ATP8B4: variants seen among roughly 807,000 people sequenced by gnomAD.
ATP8B4 encodes ATPase phospholipid transporting 8B4 (putative).
Under a neutral mutation model 145.6 loss-of-function variants are expected in ATP8B4, and 133 were observed. That is an observed-to-expected ratio of 0.91 (90% confidence interval 0.79 to 1.05). ATP8B4 has a LOEUF of 1.05. Among genes scored for constraint, ATP8B4 ranks in the 50% least tolerant of loss-of-function variants. ATP8B4 has a pLI of 0.00. For synonymous variants in ATP8B4, 507 were observed against 492.9 expected, an observed-to-expected ratio of 1.03 and a Z score of -0.38; for missense variants, 1,458 against 1,425.2, an observed-to-expected ratio of 1.02 and a Z score of -0.37.
At chr15:49,915,997 T>C (rs947887045) in intron 20 of ATP8B4, among the ~76,000 whole-genome samples, 2 of 152,094 alleles carry the variant, frequency 1.3e-5, no homozygotes, top group South Asian at 4.1e-4. Context: ...AGCTCTACTA[T>C]TATATTGAAG....
chr15:49,919,026 A>C (rs781692880), intron 18 of ATP8B4, 76 bp from the exon 19 acceptor site: 1 of 1,043,648 alleles, frequency 9.6e-7, no homozygotes, highest in Non-Finnish European at 1.4e-6. Flanking sequence ...TTTCACTCAC[A>C]GATTCTGGAG....
rs150267780 is a variant in ATP8B4, at chr15:49,966,485, G to A, written c.1244-4465C>T. Among the ~76,000 whole-genome samples, 291 of 152,292 alleles carry A rather than the reference G, an allele frequency of 1.9e-3. 1 individual carries two copies. Among genetic ancestry groups the A allele is most frequent in the African/African-American group, 6.5e-3 (272 of 41,556 alleles). The stretch of plus-strand genomic sequence containing the variant: ...CTTGAGTAGGCAGTTTTCCCCTCAC[G>A]GTGTAAACAAAGCCAGGATGTTCAA... On this transcript the variant is annotated intron_variant, in intron 13 of 27. Transcript: ENST00000284509.
At chr15:49,933,915 A>T (rs1320736427) in intron 15 of ATP8B4, 102 bp downstream of exon 15, 91 of 1,267,112 alleles carry the variant, frequency 7.2e-5, no homozygotes, top group Non-Finnish European at 7.4e-5. Context: ...AACAAGGCTC[A>T]CTGCTCAAAT....
At chr15:49,860,906 G>A (rs1018159479) in intron 27 of ATP8B4, among the ~76,000 whole-genome samples, 1 of 152,134 alleles carries the variant, frequency 6.6e-6, no homozygotes. Context: ...TTCAGAAAAT[G>A]AGTCAGAAAT....
intron 2 of ATP8B4, among the ~76,000 whole-genome samples, chr15:50,076,434 G>C (rs1279159820): frequency 6.6e-6 from 1 of 152,022 alleles, no homozygotes; most frequent in African/African-American, 2.4e-5. Context: ...GGAGGTTGCA[G>C]TGAGCCAAGA....
At chr15:50,140,141 AC>A (rs1324534263) in intron 1 of ATP8B4, among the ~76,000 whole-genome samples, 2 of 152,204 alleles carry the variant, frequency 1.3e-5, no homozygotes, top group African/African-American at 2.4e-5. Flanking sequence ...ATGTAAAAAA[AC>A]AAATGCTTGT....
At chr15:49,938,692 A>T (rs1459003820) in intron 14 of ATP8B4, among the ~76,000 whole-genome samples, 1 of 152,174 alleles carries the variant, frequency 6.6e-6, no homozygotes, top group Non-Finnish European at 1.5e-5. Flanking sequence ...AGCTTTAGAC[A>T]GATCATCAAG....
chr15:49,875,865 C>A (rs2034331715), intron 25 of ATP8B4, among the ~76,000 whole-genome samples: 1 of 152,158 alleles, frequency 6.6e-6, no homozygotes, highest in African/African-American at 2.4e-5. Flanking sequence ...TGAATAACTC[C>A]ATAGAAATGT....
At chr15:50,147,032 TAA>T (rs2044285883) in intron 1 of ATP8B4, among the ~76,000 whole-genome samples, 1 of 152,020 alleles carries the variant, frequency 6.6e-6, no homozygotes, top group African/African-American at 2.4e-5. Context: ...TTTTGTTTTT[TAA>T]AAGAGATATG....
intron 12 of ATP8B4, among the ~76,000 whole-genome samples, chr15:49,975,831 CTT>C (rs1270605697): frequency 6.6e-6 from 1 of 151,956 alleles, no homozygotes; most frequent in African/African-American, 2.4e-5. Flanking sequence ...AGTTTCATGT[CTT>C]ATTTTATTCA....
intron 2 of ATP8B4, among the ~76,000 whole-genome samples, chr15:50,087,242 TAGA>T (rs1176726100): frequency 7.5e-6 from 1 of 133,594 alleles, no homozygotes; most frequent in Non-Finnish European, 1.5e-5. Context: ...TTATATATAA[TAGA>T]ATAATATATA....
rs148923955 is a variant in ATP8B4 at position 49,936,131 on chromosome 15, T to C, written c.1288-1949A>G. On this transcript the variant is annotated intron_variant, in intron 14 of 27. Coordinates refer to ENST00000284509, the MANE Select transcript of ATP8B4 (RefSeq NM_024837.4). ...AAAGATATGTACATAAGTCTGTCTT[T>C]GAACTATGGTTCACAGCAGAGGAAA... Among the ~76,000 whole-genome samples the C allele has an allele frequency of 4.6e-5, 7 of 152,320 alleles. No individual in the cohort carries two copies. In the East Asian group the frequency reaches 1.4e-3, roughly 29 times the overall value.
chr15:49,866,439 T>G lies in ATP8B4; in HGVS notation c.3073A>C (p.Ile1025Leu), dbSNP rs115515712. The G allele has an allele frequency of 2.1e-4, 332 of 1,613,792 alleles. No homozygotes were observed. In the African/African-American group the frequency reaches 2.5e-3, roughly 12 times the overall value. Residue 1025 changes from isoleucine to leucine, a missense_variant, in exon 26 of 28, where the codon ATC becomes CTC. By Grantham distance (5) the Ile-to-Leu change is conservative. Transcript: ENST00000284509. Reference protein sequence around the residue: ...SYWTFINHVFIWGSIAIYFSI... With the variant: ...SYWTFINHVFLWGSIAIYFSI... Reference sequence around the variant, plus strand: ...AAATAAATGGCAATGCTCCCCCAGATGAAGACGTGATTAATGAAAGTCCAG... The same window carrying G: ...AAATAAATGGCAATGCTCCCCCAGAGGAAGACGTGATTAATGAAAGTCCAG...
chr15:50,083,829 C>T (rs1487449652), intron 2 of ATP8B4, among the ~76,000 whole-genome samples: 1 of 152,166 alleles, frequency 6.6e-6, no homozygotes, highest in Non-Finnish European at 1.5e-5. Flanking sequence ...ATTTATTGAG[C>T]TCGTTTGAGC....
intron 7 of ATP8B4, among the ~76,000 whole-genome samples, chr15:50,006,348 CAAAT>C (rs2048299767): frequency 6.7e-6 from 1 of 149,366 alleles, no homozygotes; most frequent in Admixed American, 6.7e-5. Flanking sequence ...ATAAATATGA[CAAAT>C]AGATATATAT....
At chr15:49,922,861 A>G (rs1274778901) in intron 17 of ATP8B4, among the ~76,000 whole-genome samples, 1 of 152,234 alleles carries the variant, frequency 6.6e-6, no homozygotes, top group Non-Finnish European at 1.5e-5. Context: ...CTGAGGGCAC[A>G]CAAGTGACTC....
At position 50,155,463 on chromosome 15, in the gene ATP8B4, T is replaced by C. The variant is rs1472211537; in HGVS notation, c.-43+26798A>G. ...GTCTGACCAATAAACCCAGGAAAAA[T>C]GTGTGTTTACAATCTTGAAGTCATT... On this transcript the variant is annotated intron_variant, in intron 1 of 3. Coordinates refer to the ATP8B4 transcript ENST00000558829. Among the ~76,000 whole-genome samples the C allele has an allele frequency of 3.3e-5, 5 of 152,162 alleles. No homozygotes were observed. In the East Asian group the frequency reaches 9.6e-4, roughly 29 times the overall value.
intron 2 of ATP8B4, among the ~76,000 whole-genome samples, chr15:50,079,139 T>C (rs2054379362): frequency 2.6e-5 from 4 of 152,332 alleles, no homozygotes. Flanking sequence ...CCATTTTACA[T>C]GACATGATTA....
At chr15:50,006,376 A>G (rs1284401559) in intron 7 of ATP8B4, among the ~76,000 whole-genome samples, 1 of 151,774 alleles carries the variant, frequency 6.6e-6, no homozygotes, top group Non-Finnish European at 1.5e-5. Flanking sequence ...AGAGAGAGAC[A>G]GAAAGAGATA....
Sources: gnomAD v4.1 joint callset for allele counts (sites outside exome capture counted in the v4.1 genomes callset) on GRCh38, gnomAD v4.1.1 for gene constraint, MANE v1.5 for transcripts, NCBI Gene and HGNC (gene_info 2026-07-23, HGNC 2026-07-21) for gene names.